The following COQ8B variants were observed in gnomAD, a reference collection of about 807,000 sequenced individuals.
COQ8B encodes the protein atypical kinase COQ8B, mitochondrial.
COQ8B carries 44 observed loss-of-function variants against 62.0 expected under a neutral mutation model. That is an observed-to-expected ratio of 0.71 (90% CI 0.56 to 0.91). The LOEUF (loss-of-function observed/expected upper bound fraction) is 0.91. COQ8B is among the 40% of genes least tolerant of loss of function. COQ8B has a pLI of 0.00. For missense variants in COQ8B, 649 were observed against 731.6 expected, an observed-to-expected ratio of 0.89 and a Z score of 1.30; for synonymous variants, 252 against 289.9, an observed-to-expected ratio of 0.87 and a Z score of 1.33.
intron 10 of COQ8B, chr19:40,700,771 C>T (rs377663763): frequency 4.6e-5 from 14 of 307,640 alleles, no homozygotes; most frequent in Admixed American, 2.6e-4. Flanking sequence ...GTATTTCAGC[C>T]TTTGCATTAC....
In COQ8B at chr19:40,699,734, T is replaced by C. The variant is rs542900401; in HGVS notation, c.1143+333A>G. Among the ~76,000 whole-genome samples the C allele has an allele frequency of 5.3e-5, 8 of 152,316 alleles. No individual in the cohort carries two copies. In the East Asian group the frequency reaches 1.5e-3, roughly 29 times the overall value. ...AGGCTATGTCACTAGCTCTCACTGA[T>C]GGAATGGCAACGGAAGTGCTATGTC... On this transcript the variant is annotated intron_variant, in intron 12 of 14. Coordinates refer to ENST00000324464, the MANE Select transcript of COQ8B (RefSeq NM_024876.4).
Position 40,705,205 on chromosome 19 carries a change from G to A in COQ8B, c.491-24C>T, listed in dbSNP as rs201047027. ...GTCTTGGGAGACAGTGGAACCAGGG[G>A]GGAAGTAAGCGAAGAGGTGAGGAGG... On this transcript the variant is annotated intron_variant, in intron 6 of 14. Transcript: ENST00000324464. 5.6e-6 allele frequency: 9 copies of A among 1,612,004 alleles called. No individual in the cohort carries two copies. In the East Asian group the frequency reaches 8.9e-5, roughly 16 times the overall value.
chr19:40,713,053 A>T (rs1282313357), intron 4 of COQ8B, among the ~76,000 whole-genome samples: 1 of 152,218 alleles, frequency 6.6e-6, no homozygotes, highest in African/African-American at 2.4e-5. Context: ...ATATTTTTTA[A>T]ATTACCCAGG....
chr19:40,714,447 C>T (rs375243597), intron 2 of COQ8B, 50 bp from the exon 3 acceptor site: 1 of 1,612,468 alleles, frequency 6.2e-7, no homozygotes, highest in Non-Finnish European at 8.5e-7. Flanking sequence ...GATCACCTGG[C>T]CCTTCTGGAC....
intron 5 of COQ8B, among the ~76,000 whole-genome samples, chr19:40,709,836 C>A (rs768119077): frequency 6.6e-6 from 1 of 151,934 alleles, no homozygotes; most frequent in Non-Finnish European, 1.5e-5. Flanking sequence ...AGTGAGACTC[C>A]ATCTCAAATT....
chr19:40,714,698 T>G lies in COQ8B; in HGVS notation c.-3-63A>C, dbSNP rs371469688. On this transcript the variant is annotated intron_variant, in intron 1 of 14. Transcript: ENST00000324464. ...GCCTGGCTTCTTGGCCAGGCCCCCA[T>G]GTTCCTCTGTGTCCACCCTCTCTCA... 5 of 1,430,628 alleles carry G rather than the reference T, an allele frequency of 3.5e-6. No homozygotes were observed. In the African/African-American group the frequency reaches 7.2e-5, roughly 20 times the overall value. The allele number at this position is 1,430,628 out of a possible 1,614,324, so 88.6% of individuals were successfully genotyped here. A position where few individuals can be genotyped will look rare whatever the true frequency, so the allele number is the denominator to read the frequency against.
chr19:40,697,875 G>GAGAGAGAGAGAGAGAGAGGGAGAGAGAC lies in COQ8B; in HGVS notation c.1144-1822_1144-1821insGTCTCTCTCCCTCTCTCTCTCTCTCTCT, dbSNP rs58313890. On this transcript the variant is annotated intron_variant, in intron 12 of 14. Transcript: ENST00000324464. ...ATAGAGAGAGAGAGAGAGAGAGAGA[G>GAGAGAGAGAGAGAGAGAGGGAGAGAGAC]AGTTTCTACTGGGCGTTCATGCAAA... Among the ~76,000 whole-genome samples, 92 of 103,398 alleles carry GAGAGAGAGAGAGAGAGAGGGAGAGAGAC rather than the reference G, an allele frequency of 8.9e-4. 2 individuals are homozygous for GAGAGAGAGAGAGAGAGAGGGAGAGAGAC. Among genetic ancestry groups the GAGAGAGAGAGAGAGAGAGGGAGAGAGAC allele is most frequent in the African/African-American group, 3.8e-3 (90 of 23,596 alleles). 67.8% of individuals were successfully genotyped at this position (103,398 alleles called of 152,430 possible).
intron 12 of COQ8B, among the ~76,000 whole-genome samples, chr19:40,698,069 AGCTGGGCGTGGTG>A (rs956197968): frequency 6.7e-6 from 1 of 150,102 alleles, no homozygotes; most frequent in Admixed American, 6.6e-5. Flanking sequence ...TACAAAAATT[AGCTGGGCGTGGTG>A]GCAGGCACCT....
chr19:40,710,021 A>T, intron 5 of COQ8B, 38 bp downstream of exon 5: 2 of 1,609,160 alleles, frequency 1.2e-6, no homozygotes, highest in Non-Finnish European at 1.7e-6. Context: ...TCACACAGCA[A>T]AGCCAGGATC....
Position 40,691,836 on chromosome 19 carries a change from T to C in COQ8B, c.*199A>G, listed in dbSNP as rs1198127013. On this transcript the variant is annotated 3_prime_UTR_variant, in exon 15 of 15. Transcript: ENST00000324464. The stretch of plus-strand genomic sequence containing the variant: ...TAGTTTTCGGATACCCACTTTCGAG[T>C]GGGGAGGTGCAGGATCTAGGGCACG... 6.9e-6 allele frequency: 3 copies of C among 435,782 alleles called. No individual in the cohort carries two copies. Among genetic ancestry groups the C allele is most frequent in the Non-Finnish European group, 1.2e-5 (3 of 252,372 alleles). The allele number at this position is 435,782 out of a possible 1,614,324, so 27.0% of individuals were successfully genotyped here.
At chr19:40,715,801 C>A (rs917098507) in intron 1 of COQ8B, 4 of 177,162 alleles carry the variant, frequency 2.3e-5, no homozygotes, top group Non-Finnish European at 3.3e-5. Flanking sequence ...GAGTCAGGAA[C>A]CTTGGCATCC....
At chr19:40,693,758 G>A (rs1236368511) in intron 13 of COQ8B, among the ~76,000 whole-genome samples, 3 of 152,178 alleles carry the variant, frequency 2.0e-5, no homozygotes, top group Admixed American at 6.5e-5. Context: ...CCTGCCTGGC[G>A]CTGTGTCTCA....
rs1185029326 is a variant in COQ8B, at chr19:40,699,971, G to A, written c.1143+96C>T. 7 of 1,170,326 alleles carry A rather than the reference G, an allele frequency of 6.0e-6. No individual in the cohort carries two copies. The Admixed American group carries it at 1.3e-4, about 21-fold the overall frequency. The allele number at this position is 1,170,326 out of a possible 1,614,324, so 72.5% of individuals were successfully genotyped here. On this transcript the variant is annotated intron_variant, in intron 12 of 14. Transcript: ENST00000324464. ...AAAAGGGCCACCCCTGCCTATTGTGGGGGTAATCAACTGCTATTTTGTTGA... is the reference window on the plus strand; with the variant it reads ...AAAAGGGCCACCCCTGCCTATTGTGAGGGTAATCAACTGCTATTTTGTTGA...
chr19:40,714,690 G>A lies in COQ8B; in HGVS notation c.-3-55C>T. On this transcript the variant is annotated intron_variant, in intron 1 of 14. Transcript: ENST00000324464. Reference sequence around the variant, plus strand: ...TGGGAGTTGCCTGGCTTCTTGGCCAGGCCCCCATGTTCCTCTGTGTCCACC... The same window carrying A: ...TGGGAGTTGCCTGGCTTCTTGGCCAAGCCCCCATGTTCCTCTGTGTCCACC... The A allele has an allele frequency of 2.7e-6, 4 of 1,476,354 alleles. No individual in the cohort carries two copies. The South Asian group carries it at 5.3e-5, about 20-fold the overall frequency. 91.5% of individuals were successfully genotyped at this position (1,476,354 alleles called of 1,614,324 possible).
chr19:40,699,640 T>C (rs926433083), intron 12 of COQ8B, among the ~76,000 whole-genome samples: 3 of 152,232 alleles, frequency 2.0e-5, no homozygotes, highest in African/African-American at 7.2e-5. Context: ...CCCTCTGTGC[T>C]GTCACATTGC....
intron 5 of COQ8B, among the ~76,000 whole-genome samples, chr19:40,709,333 T>C (rs959990588): frequency 6.6e-6 from 1 of 152,220 alleles, no homozygotes; most frequent in Non-Finnish European, 1.5e-5. Flanking sequence ...CTTTCATCTG[T>C]TTTTAATCTG....
chr19:40,715,667 T>C, intron 1 of COQ8B: 1 of 957,512 alleles, frequency 1.0e-6, no homozygotes, highest in South Asian at 4.8e-5. Flanking sequence ...ACTGAGTCTC[T>C]GTTCCCTCAC....
Position 40,708,731 on chromosome 19 carries a change from C to T in COQ8B, c.367+1328G>A, listed in dbSNP as rs557995694. Among the ~76,000 whole-genome samples the T allele has an allele frequency of 1.6e-4, 25 of 151,904 alleles. 1 individual carries two copies. The South Asian group carries it at 3.3e-3, about 20-fold the overall frequency. ...TCACTTGAGGCTAGGAGTTCCAGAC[C>T]GGCCTGGGCAACATGGCAAAACCTT... On this transcript the variant is annotated intron_variant, in intron 5 of 14. Coordinates refer to ENST00000324464, the MANE Select transcript of COQ8B (RefSeq NM_024876.4).
intron 7 of COQ8B, 137 bp from the exon 8 acceptor site, chr19:40,703,992 A>G: frequency 8.6e-7 from 1 of 1,165,214 alleles, no homozygotes; most frequent in Non-Finnish European, 1.2e-6. Flanking sequence ...CCCTTTGCAG[A>G]TGAGGAAACT....
Sources: allele counts gnomAD v4.1 joint callset (sites outside exome capture counted in the v4.1 genomes callset), GRCh38; gene constraint gnomAD v4.1.1; transcripts MANE v1.5; gene names NCBI Gene and HGNC (gene_info 2026-07-23, HGNC 2026-07-21).